Variants in VPS37B observed in about 807,000 individuals in gnomAD.
VPS37B encodes VPS37B subunit of ESCRT-I.
VPS37B carries 11 observed loss-of-function variants against 21.2 expected under a neutral mutation model. The ratio of observed to expected loss-of-function variants is 0.52; its 90% CI spans 0.33 to 0.86. VPS37B has a LOEUF of 0.86. Ranked by LOEUF, VPS37B falls within the 40% of genes least tolerant of loss-of-function variation. VPS37B has a pLI of 0.03. For missense variants in VPS37B, 389 were observed against 374.8 expected (o/e 1.04, Z -0.31); for synonymous variants, 175 against 159.6 (o/e 1.10, Z -0.73).
chr12:122,872,415 T>C (rs1243080158), intron 1 of VPS37B: 2 of 985,280 alleles, frequency 2.0e-6, no homozygotes, highest in African/African-American at 3.5e-5. Flanking sequence ...TAAATGACAA[T>C]GAAAACCAAA....
chr12:122,894,903 G>C (rs1228457617), intron 1 of VPS37B, among the ~76,000 whole-genome samples: 1 of 152,132 alleles, frequency 6.6e-6, no homozygotes, highest in Non-Finnish European at 1.5e-5. Flanking sequence ...ACTTCTTCCT[G>C]AAACTGCTCC....
intron 1 of VPS37B, among the ~76,000 whole-genome samples, chr12:122,890,598 G>C (rs2034399108): frequency 6.6e-6 from 1 of 152,148 alleles, no homozygotes; most frequent in Non-Finnish European, 1.5e-5. Flanking sequence ...AAAGTGCTAA[G>C]ATTACAGGTG....
Position 122,867,482 on chromosome 12 carries a change from T to C in VPS37B, c.492A>G (p.Leu164=), listed in dbSNP as rs1446368401. 2.5e-6 allele frequency: 4 copies of C among 1,613,908 alleles called. No individual in the cohort carries two copies. Among genetic ancestry groups the C allele is most frequent in the Non-Finnish European group, 3.4e-6 (4 of 1,180,014 alleles). Residue 164 remains leucine (L), a synonymous_variant, in exon 4 of 4, where the codon CTA becomes CTG. Transcript: ENST00000267202. This position sits in a 1 kb window ranked among gnomAD's most constrained non-coding sequence, Gnocchi z 5.5. ...VKIEKLQEMV[L]KGQRLPQALA... is the part of the protein sequence containing the mutation. ...GGGCCTGTGGGAGTCTCTGCCCCTTTAGGACCATCTCCTGGAGCTTCTCGA... is the reference window on the plus strand; with the variant it reads ...GGGCCTGTGGGAGTCTCTGCCCCTTCAGGACCATCTCCTGGAGCTTCTCGA...
At chr12:122,883,090 C>T (rs528740982) in intron 1 of VPS37B, 1 of 152,246 alleles carries the variant, frequency 6.6e-6, no homozygotes, top group Non-Finnish European at 1.5e-5. Flanking sequence ...TCCAAGGCTA[C>T]AGCCCACTCA....
Position 122,866,941 on chromosome 12 carries a change from G to A in VPS37B, c.*175C>T, listed in dbSNP as rs965928371. The stretch of plus-strand genomic sequence containing the variant: ...ACCCGGCACACACAACTGCCTTGAT[G>A]CCCAAAGCCTGGGCTCCTACTACTC... On this transcript the variant is annotated 3_prime_UTR_variant, in exon 4 of 4. Coordinates refer to ENST00000267202, the MANE Select transcript of VPS37B (RefSeq NM_024667.3). The A allele has an allele frequency of 3.0e-5, 22 of 728,270 alleles. No individual in the cohort carries two copies. The highest frequency in any genetic ancestry group is 4.0e-4 in the Middle Eastern group (1 of 2,496). The allele number at this position is 728,270 out of a possible 1,614,324, so 45.1% of individuals were successfully genotyped here.
chr12:122,868,366 C>T lies in VPS37B; in HGVS notation c.366+114G>A. Reference sequence around the variant, plus strand: ...GCCTGCTGGTATACAGCCCGTACACCTGGGAGGCACCACTCCTGGCCGTGG... The same window carrying T: ...GCCTGCTGGTATACAGCCCGTACACTTGGGAGGCACCACTCCTGGCCGTGG... On this transcript the variant is annotated intron_variant, in intron 3 of 3. Transcript: ENST00000267202. This position sits in a 1 kb window ranked among gnomAD's most constrained non-coding sequence, Gnocchi z 5.5. 2 of 956,150 alleles carry T rather than the reference C, an allele frequency of 2.1e-6. No homozygotes were observed. Among genetic ancestry groups the T allele is most frequent in the Non-Finnish European group, 1.6e-6 (1 of 617,760 alleles). 59.2% of individuals were successfully genotyped at this position (956,150 alleles called of 1,614,324 possible).
At position 122,868,515 on chromosome 12, in the gene VPS37B, G is replaced by A; in HGVS notation, c.331C>T (p.Gln111Ter). The stretch of plus-strand genomic sequence containing the variant: ...TCCTCAATCTTGGCCCCTTCTGCCT[G>A]AAGAAGTGCTAACAGGGTCTCCAAG... ...ASLETLLALL[Q>*]AEGAKIEEDT... Residue 111 changes from glutamine to a stop codon, truncating the protein, a stop_gained, in exon 3 of 4, where the codon CAG (glutamine) becomes TAG (stop). Coordinates refer to ENST00000267202, the MANE Select transcript of VPS37B (RefSeq NM_024667.3). LOFTEE classifies it low-confidence loss of function (END_TRUNC). The surrounding 1 kb of genome is among the most constrained non-coding windows in gnomAD (Gnocchi z 5.5). 1 of 1,613,854 alleles carries A rather than the reference G, an allele frequency of 6.2e-7. No individual in the cohort carries two copies. The highest frequency in any genetic ancestry group is 8.5e-7 in the Non-Finnish European group (1 of 1,179,942).
chr12:122,871,474 CAGG>C (rs1355632495), intron 1 of VPS37B: 7 of 989,328 alleles, frequency 7.1e-6, no homozygotes, highest in Non-Finnish European at 8.4e-6. Context: ...CACTTATCAG[CAGG>C]AGACCAGTTG....
intron 1 of VPS37B, chr12:122,878,849 A>C (rs1387234838): frequency 3.3e-5 from 5 of 152,086 alleles, no homozygotes; most frequent in African/African-American, 1.2e-4. Flanking sequence ...ACGGGGTTTT[A>C]CCATGTTGGC....
intron 1 of VPS37B, chr12:122,875,845 TAAAAAAAAA>T (rs397948172): frequency 1.2e-5 from 1 of 84,234 alleles, no homozygotes; most frequent in African/African-American, 4.3e-5. Flanking sequence ...ACCATCAAAC[TAAAAAAAAA>T]AAAAAAAAAA....
intron 1 of VPS37B, chr12:122,871,834 A>G (rs1006206024): frequency 4.1e-6 from 4 of 984,582 alleles, no homozygotes; most frequent in Non-Finnish European, 4.8e-6. Context: ...CTCCTAGCAA[A>G]ACTTAGCCAA....
In VPS37B at chr12:122,888,622, C is replaced by T. The variant is rs545336670; in HGVS notation, c.111+7330G>A. The T allele has an allele frequency of 2.5e-4, 115 of 456,000 alleles. 5 individuals carry two copies. The highest frequency in any genetic ancestry group is 1.6e-3 in the South Asian group (104 of 64,538). The allele number at this position is 456,000 out of a possible 1,614,324, so 28.2% of individuals were successfully genotyped here. Reference sequence around the variant, plus strand: ...TCAGCTCAAGAACACAACCACTCTGCATACGACCGACCGGTGAGGGTCAAA... The same window carrying T: ...TCAGCTCAAGAACACAACCACTCTGTATACGACCGACCGGTGAGGGTCAAA... On this transcript the variant is annotated intron_variant, in intron 1 of 3. Transcript: ENST00000267202.
At chr12:122,885,591 G>C (rs529719923) in intron 1 of VPS37B, 8 of 151,904 alleles carry the variant, frequency 5.3e-5, no homozygotes, top group Admixed American at 1.3e-4. Flanking sequence ...TTTATCTCTG[G>C]GTAGTGATAT....
chr12:122,875,818 A>G (rs1231963940), intron 1 of VPS37B: 1 of 150,950 alleles, frequency 6.6e-6, no homozygotes, highest in Non-Finnish European at 1.5e-5. Context: ...GAGAATGCTT[A>G]GAGAGGTATT....
At chr12:122,883,490 CTTTT>C (rs1312693098) in intron 1 of VPS37B, 1 of 152,104 alleles carries the variant, frequency 6.6e-6, no homozygotes, top group Non-Finnish European at 1.5e-5. Context: ...ATTTTCTTTT[CTTTT>C]TTCTTTTTTT....
At chr12:122,872,789 G>A in intron 1 of VPS37B, 1 of 748,400 alleles carries the variant, frequency 1.3e-6, no homozygotes, top group Non-Finnish European at 1.6e-6. Flanking sequence ...ATTTATATCA[G>A]AGAAATGAAA....
chr12:122,874,110 C>T (rs1300743928), intron 1 of VPS37B: 1 of 152,252 alleles, frequency 6.6e-6, no homozygotes, highest in East Asian at 1.9e-4. Context: ...AATTGTCAAA[C>T]AGAATTTCCT....
At chr12:122,882,619 T>A (rs2034261891) in intron 1 of VPS37B, 1 of 152,246 alleles carries the variant, frequency 6.6e-6, no homozygotes, top group Non-Finnish European at 1.5e-5. Context: ...AAAGAAAGGC[T>A]GCCATACATT....
chr12:122,883,662 TAG>T (rs2034280826), intron 1 of VPS37B: 1 of 152,144 alleles, frequency 6.6e-6, no homozygotes, highest in Non-Finnish European at 1.5e-5. Context: ...GTATTTTTAG[TAG>T]AGATGGGGTT....
Sources: allele counts gnomAD v4.1 joint callset (sites outside exome capture counted in the v4.1 genomes callset), GRCh38; gene constraint gnomAD v4.1.1; non-coding constraint Gnocchi (gnomAD v3.1); transcripts MANE v1.5; gene names NCBI Gene and HGNC (gene_info 2026-07-23, HGNC 2026-07-21).